CDC25B: variants seen among roughly 807,000 people sequenced by gnomAD.
CDC25B encodes the protein cell division cycle 25B.
CDC25B carries 33 observed loss-of-function variants against 69.8 expected under a neutral mutation model. That is an observed-to-expected ratio of 0.47 (90% CI 0.36 to 0.63). The LOEUF (loss-of-function observed/expected upper bound fraction) is 0.63, where lower values mean the gene tolerates loss of function less well. CDC25B is among the 30% of genes least tolerant of loss of function. The probability of loss-of-function intolerance (pLI) is 0.00; values close to 1 mark genes in which losing one functional copy is unlikely to be tolerated. For synonymous variants in CDC25B, 341 were observed against 314.6 expected (o/e 1.08, Z -0.89); for missense variants, 727 against 809.1 (o/e 0.90, Z 1.23).
At chr20:3,799,484 CTGTGTGTGTGTGTGTG>C (rs60482329) in intron 3 of CDC25B, among the ~76,000 whole-genome samples, 1,420 of 131,710 alleles carry the variant, frequency 0.011, 56 homozygotes, top group Admixed American at 0.078. Flanking sequence ...TTCTCAGAAG[CTGTGTGTGTGTGTGTG>C]TGTGTGTGTG....
chr20:3,797,132 C>T (rs892397737), intron 1 of CDC25B, among the ~76,000 whole-genome samples: 5 of 152,196 alleles, frequency 3.3e-5, no homozygotes, highest in Admixed American at 6.5e-5. Flanking sequence ...ATCCATGCCC[C>T]TGCTCCCTCC....
Position 3,796,739 on chromosome 20 carries a change from A to G in CDC25B, c.200+8A>G. On this transcript the variant is annotated splice_region_variant and intron_variant, in intron 1 of 15. Transcript: ENST00000245960. ...CCTCGCCGGGCTCGGCAGGTAGGAC[A>G]CCCCAAGGAGGCTGCATATGGGGGT... 6.4e-7 allele frequency: 1 copy of G among 1,559,748 alleles called. No homozygotes were observed. Among genetic ancestry groups the G allele is most frequent in the Non-Finnish European group, 8.6e-7 (1 of 1,162,266 alleles).
upstream of CDC25B, among the ~76,000 whole-genome samples, chr20:3,793,024 T>C (rs1443007719): frequency 6.6e-6 from 1 of 152,242 alleles, no homozygotes; most frequent in Non-Finnish European, 1.5e-5. Context: ...AGACTTGATA[T>C]CCAAAAATGT....
intron 2 of CDC25B, 87 bp from the exon 3 acceptor site, chr20:3,798,315 GTTTTTTTTTT>G: frequency 1.3e-5 from 5 of 371,300 alleles, no homozygotes; most frequent in South Asian, 6.0e-5. Context: ...ACTAGAAACT[GTTTTTTTTTT>G]TTTTTTTTTT....
intron 2 of CDC25B, 21 bp downstream of exon 2, chr20:3,797,770 G>T: frequency 6.2e-7 from 1 of 1,612,992 alleles, no homozygotes. Flanking sequence ...GGGGAGCCTG[G>T]GGAGATCTGC....
At chr20:3,787,204 T>C (rs1047442350) in intron 1 of CDC25B, 1 of 635,328 alleles carries the variant, frequency 1.6e-6, no homozygotes, top group Non-Finnish European at 2.8e-6. Context: ...TTTTTAAAAA[T>C]TTATTATATA....
At chr20:3,795,621 T>C (rs2089008415), upstream of CDC25B, 1 of 745,206 alleles carries the variant, frequency 1.3e-6, no homozygotes, top group African/African-American at 1.9e-5. Context: ...GCCGCGAAAA[T>C]TGGGCCGGTT....
chr20:3,796,936 G>A (rs2089078491), intron 1 of CDC25B, among the ~76,000 whole-genome samples: 1 of 152,116 alleles, frequency 6.6e-6, no homozygotes, highest in South Asian at 2.1e-4. Flanking sequence ...ACACCTCCAG[G>A]TGACCTGCTC....
chr20:3,789,994 A>G (rs1448806193), intron 1 of CDC25B, among the ~76,000 whole-genome samples: 1 of 151,938 alleles, frequency 6.6e-6, no homozygotes, highest in Non-Finnish European at 1.5e-5. Context: ...GTCTCAAAAA[A>G]AAAAAAAATT....
intron 1 of CDC25B, among the ~76,000 whole-genome samples, chr20:3,797,367 C>G (rs980483453): frequency 2.0e-5 from 3 of 152,192 alleles, no homozygotes; most frequent in African/African-American, 7.2e-5. Flanking sequence ...GGCAGCCTTG[C>G]TCACACCCTG....
rs536693935 is a variant in CDC25B at position 3,803,673 on chromosome 20, G to T, written c.1490+136G>T. 8.3e-4 allele frequency: 903 copies of T among 1,087,254 alleles called. 7 individuals are homozygous for T. The Middle Eastern group carries it at 0.014, about 17-fold the overall frequency. 67.4% of individuals were successfully genotyped at this position (1,087,254 alleles called of 1,614,324 possible). ...CTGTCCCATCTGATGGCCTAGAGCTGACCTCAGCCCCACTTCACTGTGCAT... is the reference window on the plus strand; with the variant it reads ...CTGTCCCATCTGATGGCCTAGAGCTTACCTCAGCCCCACTTCACTGTGCAT... On this transcript the variant is annotated intron_variant, in intron 14 of 15. Transcript: ENST00000245960. The surrounding 1 kb of genome is among the most constrained non-coding windows in gnomAD (Gnocchi z 4.9).
At chr20:3,801,538 C>A in intron 8 of CDC25B, 150 bp downstream of exon 8, 1 of 1,146,896 alleles carries the variant, frequency 8.7e-7, no homozygotes, top group Non-Finnish European at 1.2e-6. Context: ...TAACCTCTGG[C>A]CAATGAGAGA....
At position 3,804,606 on chromosome 20, in the gene CDC25B, G is replaced by C. The variant is rs768175818; in HGVS notation, c.1528G>C (p.Asp510His). Residue 510 changes from aspartate (D) to histidine (H), a missense_variant, in exon 15 of 16, where the codon GAC becomes CAC. Asp to His is a moderately conservative substitution (Grantham distance 81). Coordinates refer to ENST00000245960, the MANE Select transcript of CDC25B (RefSeq NM_021873.4). ...CAGGGAACGAGACCGTGCTGTCAAC[G>C]ACTACCCCAGCCTCTACTACCCTGA... Reference protein sequence around the residue: ...FIRERDRAVNDYPSLYYPEMY... With the variant: ...FIRERDRAVNHYPSLYYPEMY... The C allele has an allele frequency of 1.9e-6, 3 of 1,613,952 alleles. No individual in the cohort carries two copies. The highest frequency in any genetic ancestry group is 2.2e-5 in the South Asian group (2 of 91,078).
chr20:3,788,170 T>C (rs1021679136), intron 1 of CDC25B, among the ~76,000 whole-genome samples: 18 of 123,718 alleles, frequency 1.5e-4, no homozygotes, highest in Non-Finnish European at 8.4e-5. Flanking sequence ...AAGAACCAAA[T>C]AGAGACTCTT....
Position 3,797,710 on chromosome 20 carries a change from TC to T in CDC25B, c.291del (p.Ser98ProfsTer57). 6.2e-7 allele frequency: 1 copy of T among 1,614,072 alleles called. No individual in the cohort carries two copies. The highest frequency in any genetic ancestry group is 8.5e-7 in the Non-Finnish European group (1 of 1,180,010). ...ATCCCTGTCTCGACGGGCATCCGAA[TC>T]CTCCCTGTCGTCTGAATCCTCCGAA... ...HLSLSRRASE[S>X]SLSSESSESS... On this transcript the variant is annotated frameshift_variant, in exon 2 of 16. Transcript: ENST00000245960. LOFTEE classifies it high-confidence loss of function.
At position 3,805,842 on chromosome 20, in the gene CDC25B, T is replaced by C. The variant is rs762648237; in HGVS notation, c.*881T>C. 9.9e-6 allele frequency: 4 copies of C among 405,674 alleles called. No individual in the cohort carries two copies. Among genetic ancestry groups the C allele is most frequent in the Non-Finnish European group, 1.3e-5 (3 of 228,052 alleles). 25.1% of individuals were successfully genotyped at this position (405,674 alleles called of 1,614,324 possible). The stretch of plus-strand genomic sequence containing the variant: ...GTGGATGGCCGTGGATGGCCGTGGA[T>C]GCGCAGTGCCTTGCATACCCAAACC... On this transcript the variant is annotated 3_prime_UTR_variant, in exon 16 of 16. Transcript: ENST00000245960.
chr20:3,801,864 G>A, intron 9 of CDC25B, 60 bp from the exon 10 acceptor site: 1 of 1,583,288 alleles, frequency 6.3e-7, no homozygotes, highest in East Asian at 2.2e-5. Flanking sequence ...ACTCTCCAGT[G>A]GATTTGAGGG....
chr20:3,795,916 C>A, upstream of CDC25B: 2 of 986,738 alleles, frequency 2.0e-6, no homozygotes, highest in Non-Finnish European at 2.4e-6. Context: ...GACCGTACAG[C>A]CCAGCTGGGT....
chr20:3,798,315 GTTTTTTTTTTTTT>G, intron 2 of CDC25B, 84 bp from the exon 3 acceptor site: 1 of 371,310 alleles, frequency 2.7e-6, no homozygotes, highest in Non-Finnish European at 4.6e-6. Flanking sequence ...ACTAGAAACT[GTTTTTTTTTTTTT>G]TTTTTTTTTC....
Sources: allele counts gnomAD v4.1 joint callset (sites outside exome capture counted in the v4.1 genomes callset), GRCh38; gene constraint gnomAD v4.1.1; non-coding constraint Gnocchi (gnomAD v3.1); transcripts MANE v1.5; gene names NCBI Gene and HGNC (gene_info 2026-07-23, HGNC 2026-07-21).